UNC80: variants seen among roughly 807,000 people sequenced by gnomAD.
UNC80 encodes the protein unc-80 subunit of NALCN channel complex, also known as protein unc-80 homolog.
In UNC80, 164 loss-of-function variants were observed where a neutral mutation model predicts 384.6. The observed-to-expected ratio is 0.43, with a 90% confidence interval of 0.38 to 0.49. The LOEUF is 0.49. UNC80 is among the 20% of genes least tolerant of loss of function. The pLI is 0.00. For missense variants in UNC80, 3,330 were observed against 4,143.0 expected, an observed-to-expected ratio of 0.80 and a Z score of 5.39; for synonymous variants, 1,486 against 1,527.8, an observed-to-expected ratio of 0.97 and a Z score of 0.64.
Position 209,995,742 on chromosome 2 carries a change from C to A in UNC80, c.*147C>A. ...GCACAAATCTGAATAGGTTTTGCTGCCAATACACATGATGTTTCATAAACA... is the reference window on the plus strand; with the variant it reads ...GCACAAATCTGAATAGGTTTTGCTGACAATACACATGATGTTTCATAAACA... On this transcript the variant is annotated 3_prime_UTR_variant, in exon 65 of 65. Coordinates refer to ENST00000673920, the MANE Select transcript of UNC80 (RefSeq NM_001371986.1). 2 of 886,036 alleles carry A rather than the reference C, an allele frequency of 2.3e-6. No individual in the cohort carries two copies. Among genetic ancestry groups the A allele is most frequent in the Non-Finnish European group, 3.4e-6 (2 of 595,514 alleles). The allele number at this position is 886,036 out of a possible 1,614,324, so 54.9% of individuals were successfully genotyped here. A position where few individuals can be genotyped will look rare whatever the true frequency, so the allele number is the denominator to read the frequency against.
At chr2:209,873,970 CGTAT>C (rs1347155617) in intron 23 of UNC80, among the ~76,000 whole-genome samples, 1 of 131,128 alleles carries the variant, frequency 7.6e-6, no homozygotes, top group Non-Finnish European at 1.6e-5. Context: ...AAAAGATACA[CGTAT>C]GTATGTGTGT....
intron 7 of UNC80, 40 bp downstream of exon 7, chr2:209,793,899 T>C: frequency 6.2e-7 from 1 of 1,607,302 alleles, no homozygotes; most frequent in Non-Finnish European, 8.5e-7. Context: ...GTGTCACTGG[T>C]CACCAAAAAT....
At chr2:209,924,716 G>T (rs1288864622) in intron 35 of UNC80, among the ~76,000 whole-genome samples, 1 of 151,368 alleles carries the variant, frequency 6.6e-6, no homozygotes, top group East Asian at 1.9e-4. Context: ...TCAGCCTCCA[G>T]CTTCTCCCAA....
intron 31 of UNC80, among the ~76,000 whole-genome samples, chr2:209,914,921 G>A (rs1012948897): frequency 6.6e-6 from 1 of 151,992 alleles, no homozygotes; most frequent in African/African-American, 2.4e-5. Context: ...TGAAAATTTA[G>A]GTGGAGTTCA....
Position 209,941,422 on chromosome 2 carries a change from C to T in UNC80, c.6848C>T (p.Thr2283Ile). Residue 2283 changes from threonine to isoleucine, a missense_variant, in exon 44 of 65, where the codon ACC becomes ATC. Physicochemically the swap from Thr to Ile is moderately conservative, Grantham distance 89. Around this residue, in one of 8 missense-constraint regions of UNC80, gnomAD observed 1,049 missense variants for 1,488.6 expected, o/e 0.70. Transcript: ENST00000673920. Reference sequence around the variant, plus strand: ...CAGTATGCTGCCACCGTCATCAACACCGCGGTGCACTTCAACCACCTCTTC... The same window carrying T: ...CAGTATGCTGCCACCGTCATCAACATCGCGGTGCACTTCAACCACCTCTTC... ...LRQYAATVINTAVHFNHLFSL... is the reference protein window; with the variant it reads ...LRQYAATVINIAVHFNHLFSL... 8 of 1,548,622 alleles carry T rather than the reference C, an allele frequency of 5.2e-6. No homozygotes were observed. Among genetic ancestry groups the T allele is most frequent in the Non-Finnish European group, 7.0e-6 (8 of 1,144,352 alleles).
rs920816686 is a variant in UNC80, at chr2:209,984,920, G to C, written c.9314+8G>C. On this transcript the variant is annotated splice_region_variant and intron_variant, in intron 61 of 64. Coordinates refer to ENST00000673920, the MANE Select transcript of UNC80 (RefSeq NM_001371986.1). The stretch of plus-strand genomic sequence containing the variant: ...CGAGGGCAGCCTCTCTAGGTACAGT[G>C]TCAATGCTACCTGTCTATTGGTGTC... The C allele has an allele frequency of 2.6e-6, 4 of 1,549,872 alleles. No individual in the cohort carries two copies. The African/African-American group carries it at 5.5e-5, about 21-fold the overall frequency.
intron 54 of UNC80, 80 bp from the exon 55 acceptor site, chr2:209,972,121 C>A: frequency 1.4e-6 from 2 of 1,477,952 alleles, no homozygotes; most frequent in East Asian, 5.1e-5. Context: ...GAGTCACCGT[C>A]TCCATCATAC....
chr2:209,948,031 T>C (rs2091990315), intron 47 of UNC80, among the ~76,000 whole-genome samples: 1 of 150,188 alleles, frequency 6.7e-6, no homozygotes, highest in Admixed American at 6.6e-5. Context: ...TTTCATTCAC[T>C]TATAATAGTC....
intron 4 of UNC80, among the ~76,000 whole-genome samples, chr2:209,780,916 A>T (rs1205432885): frequency 6.6e-6 from 1 of 152,092 alleles, no homozygotes; most frequent in Non-Finnish European, 1.5e-5. Flanking sequence ...TTCTATCCCT[A>T]CCCAGAAATC....
intron 15 of UNC80, among the ~76,000 whole-genome samples, chr2:209,830,474 G>T (rs540237491): frequency 6.6e-6 from 1 of 152,286 alleles, no homozygotes; most frequent in Admixed American, 6.5e-5. Context: ...TTTCATCAAT[G>T]TGAAATCTAG....
intron 22 of UNC80, among the ~76,000 whole-genome samples, chr2:209,870,919 C>T (rs1265554411): frequency 6.6e-6 from 1 of 152,084 alleles, no homozygotes; most frequent in Non-Finnish European, 1.5e-5. Context: ...TTTCAAGGCT[C>T]TGCAAGCCGT....
chr2:209,971,343 C>T (rs2092878719), intron 54 of UNC80, among the ~76,000 whole-genome samples: 2 of 151,654 alleles, frequency 1.3e-5, no homozygotes, highest in Admixed American at 1.3e-4. Flanking sequence ...CAAATGTTAT[C>T]ACTAGACTTT....
intron 7 of UNC80, among the ~76,000 whole-genome samples, chr2:209,802,494 T>C (rs1380475548): frequency 6.6e-6 from 1 of 152,204 alleles, no homozygotes; most frequent in Non-Finnish European, 1.5e-5. Context: ...AGGAACTCTG[T>C]GAGGATAATC....
At chr2:209,887,531 G>A (rs999347265) in intron 25 of UNC80, among the ~76,000 whole-genome samples, 1 of 152,156 alleles carries the variant, frequency 6.6e-6, no homozygotes, top group African/African-American at 2.4e-5. Context: ...TTGTTGCCAT[G>A]TAAGGCAACA....
chr2:209,943,104 C>T lies in UNC80; in HGVS notation c.6916-276C>T, dbSNP rs76081594. ...TATAGCCAGTCTTGCAGCAGGCCTT[C>T]TTATGTATGCATGTTTATACATGTG... On this transcript the variant is annotated intron_variant, in intron 44 of 64. Coordinates refer to ENST00000673920, the MANE Select transcript of UNC80 (RefSeq NM_001371986.1). 2.6e-5 allele frequency among the ~76,000 whole-genome samples: 4 copies of T among 152,154 alleles called. No individual in the cohort carries two copies. In the South Asian group the frequency reaches 8.3e-4, roughly 31 times the overall value.
chr2:209,957,279 T>C (rs1175874425), intron 48 of UNC80, among the ~76,000 whole-genome samples: 1 of 152,156 alleles, frequency 6.6e-6, no homozygotes, highest in African/African-American at 2.4e-5. Context: ...ACTTATTATC[T>C]AGAATGGTGA....
chr2:209,835,332 G>A (rs2153828899), intron 18 of UNC80, among the ~76,000 whole-genome samples: 1 of 152,244 alleles, frequency 6.6e-6, no homozygotes, highest in East Asian at 1.9e-4. Flanking sequence ...CCAGTTTCTT[G>A]CTTAAAATCA....
intron 25 of UNC80, among the ~76,000 whole-genome samples, chr2:209,882,091 C>T (rs1056143443): frequency 8.6e-5 from 13 of 151,600 alleles, no homozygotes; most frequent in East Asian, 1.9e-4. Context: ...CACAGCCTCC[C>T]GAGTAGCTGG....
chr2:209,883,815 C>G (rs1295801476), intron 25 of UNC80, among the ~76,000 whole-genome samples: 1 of 152,180 alleles, frequency 6.6e-6, no homozygotes, highest in Non-Finnish European at 1.5e-5. Context: ...CTTTCTGTGA[C>G]TGTGTTATTT....
Sources: gnomAD v4.1 joint callset for allele counts (sites outside exome capture counted in the v4.1 genomes callset) on GRCh38, gnomAD v4.1.1 for gene constraint, gnomAD v4.1.1 regional missense constraint, MANE v1.5 for transcripts, NCBI Gene and HGNC (gene_info 2026-07-23, HGNC 2026-07-21) for gene names.